AFDN: variants seen among roughly 807,000 people sequenced by gnomAD.
AFDN encodes afadin, adherens junction formation factor.
AFDN carries 68 observed loss-of-function variants against 216.6 expected under a neutral mutation model. The observed-to-expected ratio is 0.31, with a 90% CI of 0.26 to 0.38. The LOEUF (loss-of-function observed/expected upper bound fraction) is 0.38. Ranked by LOEUF, AFDN falls within the 10% of genes least tolerant of loss-of-function variation. The pLI is 1.00. For missense variants in AFDN, 2,136 were observed against 2,342.0 expected (o/e 0.91, Z 1.82); for synonymous variants, 868 against 853.7 (o/e 1.02, Z -0.29).
chr6:167,911,318 T>C lies in AFDN; in HGVS notation c.1866T>C (p.Tyr622=), dbSNP rs767175005. 78 of 1,613,998 alleles carry C rather than the reference T, an allele frequency of 4.8e-5. No individual in the cohort carries two copies. The highest frequency in any genetic ancestry group is 1.6e-4 in the Middle Eastern group (1 of 6,084). ...CATTTTTGTCTGCCATTATAAATTA[T>C]ACTAATAGCTCTACAGTCCACTTTA... ...EDSFLSAIIN[Y]TNSSTVHFKL... Residue 622 remains tyrosine (Y), a synonymous_variant, in exon 15 of 34, where the codon TAT becomes TAC. Transcript: ENST00000683244.
chr6:167,895,392 T>G (rs1283620123), intron 9 of AFDN, among the ~76,000 whole-genome samples: 1 of 152,118 alleles, frequency 6.6e-6, no homozygotes, highest in Admixed American at 6.5e-5. Flanking sequence ...CCCAGATGAT[T>G]TTGATGTCTT....
intron 31 of AFDN, chr6:167,964,978 G>GA: frequency 3.8e-6 from 4 of 1,052,106 alleles, no homozygotes; most frequent in Non-Finnish European, 4.6e-6. Context: ...ATGTATGTCA[G>GA]AAAAAAATGT....
chr6:167,837,831 T>G (rs1345440656), intron 1 of AFDN, among the ~76,000 whole-genome samples: 1 of 152,228 alleles, frequency 6.6e-6, no homozygotes, highest in Non-Finnish European at 1.5e-5. Context: ...TTAAGGTCAC[T>G]GCAATGAAAC....
chr6:167,827,320 G>A, intron 1 of AFDN, 83 bp downstream of exon 1: 1 of 392,604 alleles, frequency 2.5e-6, no homozygotes, highest in South Asian at 1.2e-4. Context: ...CCGCCCGCCA[G>A]CCGCGGACCC....
chr6:167,857,921 TACGAATATAGTA>T (rs1263964669), intron 1 of AFDN, among the ~76,000 whole-genome samples: 2 of 152,188 alleles, frequency 1.3e-5, no homozygotes, highest in Non-Finnish European at 2.9e-5. Context: ...TGTACATGTG[TACGAATATAGTA>T]TTTAAAGATT....
Position 167,915,296 on chromosome 6 carries a change from G to A in AFDN, c.2428G>A (p.Val810Met). 6.2e-7 allele frequency: 1 copy of A among 1,614,224 alleles called. No individual in the cohort carries two copies. Among genetic ancestry groups the A allele is most frequent in the Non-Finnish European group, 8.5e-7 (1 of 1,180,046 alleles). ...CAATATGTGGCTGTTCAATAGATTG[G>A]TGACCGACCCAGATTCGGGGCTGTG... is the stretch of plus-strand genomic sequence containing the variant. ...FINMWLFNRLVTDPDSGLCSH... is the reference protein window; with the variant it reads ...FINMWLFNRLMTDPDSGLCSH... The change falls in exon 19 of 34, where the codon GTG becomes ATG. Residue 810 changes from valine to methionine, a missense_variant. Around this residue, in one of 8 missense-constraint regions of AFDN, gnomAD observed 817 missense variants for 965.7 expected, o/e 0.85. Transcript: ENST00000683244.
At chr6:167,866,465 A>C (rs1047001855) in intron 2 of AFDN, among the ~76,000 whole-genome samples, 9 of 152,258 alleles carry the variant, frequency 5.9e-5, no homozygotes, top group Non-Finnish European at 1.0e-4. Context: ...GAAATACCTA[A>C]TAGTCCGTTT....
At position 167,946,688 on chromosome 6, in the gene AFDN, G is replaced by T; in HGVS notation, c.3359-19G>T. ...TGAAAATAAAATCTTAAGAGATACTGAATATGCTTTGATTCCAGTTTCAGA... is the reference window on the plus strand; with the variant it reads ...TGAAAATAAAATCTTAAGAGATACTTAATATGCTTTGATTCCAGTTTCAGA... On this transcript the variant is annotated intron_variant, in intron 26 of 33. Transcript: ENST00000683244. 6.2e-7 allele frequency: 1 copy of T among 1,609,280 alleles called. No homozygotes were observed. The highest frequency in any genetic ancestry group is 1.1e-5 in the South Asian group (1 of 90,630).
At chr6:167,926,054 A>G (rs901811750) in intron 23 of AFDN, among the ~76,000 whole-genome samples, 1 of 152,252 alleles carries the variant, frequency 6.6e-6, no homozygotes, top group Admixed American at 6.5e-5. Flanking sequence ...CTTGAGAAAT[A>G]TTTTAATTGC....
Position 167,856,954 on chromosome 6 carries a change from A to G in AFDN, c.106-7597A>G, listed in dbSNP as rs549762599. Among the ~76,000 whole-genome samples the G allele has an allele frequency of 2.0e-5, 3 of 152,272 alleles. No individual in the cohort carries two copies. In the South Asian group the frequency reaches 6.2e-4, roughly 32 times the overall value. ...TTGTCACATATGATGGCATATATTT[A>G]TATATCTTAATGGATAATTTTTGAA... On this transcript the variant is annotated intron_variant, in intron 1 of 33. Transcript: ENST00000683244.
At chr6:167,964,842 T>G (rs1431218681) in intron 31 of AFDN, 1 of 1,065,952 alleles carries the variant, frequency 9.4e-7, no homozygotes. Flanking sequence ...CTGTTTGCTC[T>G]TTCATCCCCC....
intron 1 of AFDN, among the ~76,000 whole-genome samples, chr6:167,851,065 A>G (rs1045301839): frequency 6.6e-6 from 1 of 152,038 alleles, no homozygotes; most frequent in African/African-American, 2.4e-5. Context: ...ACAGGCACCC[A>G]CCACCATGCC....
intron 6 of AFDN, among the ~76,000 whole-genome samples, chr6:167,887,012 C>CAAAA (rs67970460): frequency 8.8e-5 from 8 of 90,502 alleles, no homozygotes; most frequent in Admixed American, 1.1e-4. Context: ...GAGACTGTAT[C>CAAAA]AAAAAAAAAA....
intron 6 of AFDN, 128 bp downstream of exon 6, chr6:167,880,645 G>T: frequency 6.7e-6 from 6 of 890,662 alleles, no homozygotes; most frequent in Non-Finnish European, 1.0e-5. Context: ...TACAAATCAT[G>T]TGCTAAATAT....
chr6:167,952,918 G>T (rs186921636), intron 30 of AFDN, among the ~76,000 whole-genome samples: 51 of 152,284 alleles, frequency 3.3e-4, no homozygotes, highest in African/African-American at 1.2e-3. Flanking sequence ...GTATGAAAAT[G>T]ATTTTTGTTT....
At chr6:167,921,875 T>G (rs1266680207) in intron 21 of AFDN, among the ~76,000 whole-genome samples, 1 of 152,190 alleles carries the variant, frequency 6.6e-6, no homozygotes, top group Non-Finnish European at 1.5e-5. Flanking sequence ...TGACGTCTCC[T>G]TTTTTGCCTA....
intron 1 of AFDN, among the ~76,000 whole-genome samples, chr6:167,836,624 A>G (rs1780471027): frequency 6.6e-6 from 1 of 152,218 alleles, no homozygotes; most frequent in Non-Finnish European, 1.5e-5. Context: ...ATTTCTACGT[A>G]GTGGCACCTT....
At chr6:167,892,515 A>G (rs756351331) in intron 8 of AFDN, among the ~76,000 whole-genome samples, 1 of 152,018 alleles carries the variant, frequency 6.6e-6, no homozygotes, top group African/African-American at 2.4e-5. Context: ...TTGAGGATCT[A>G]AGAGTGTTGA....
intron 23 of AFDN, among the ~76,000 whole-genome samples, chr6:167,940,608 CAG>C (rs1348490450): frequency 1.3e-4 from 2 of 15,154 alleles, no homozygotes; most frequent in Non-Finnish European, 2.1e-4. Flanking sequence ...TGGACAGACA[CAG>C]AGGGATGTAG....
Sources: allele counts gnomAD v4.1 joint callset (sites outside exome capture counted in the v4.1 genomes callset), GRCh38; gene constraint gnomAD v4.1.1; regional missense constraint gnomAD v4.1.1; transcripts MANE v1.5; gene names NCBI Gene and HGNC (gene_info 2026-07-23, HGNC 2026-07-21).